EP400: variants seen among roughly 807,000 people sequenced by gnomAD.
The protein encoded by EP400 is E1A binding protein p400, also known as E1A-binding protein p400.
A neutral mutation model predicts 354.1 loss-of-function variants in EP400; 105 were observed. The ratio of observed to expected loss-of-function variants is 0.30; its 90% CI spans 0.25 to 0.35. The LOEUF (loss-of-function observed/expected upper bound fraction) is 0.35, where lower values mean the gene tolerates loss of function less well. Among genes scored for constraint, EP400 ranks in the 10% least tolerant of loss-of-function variants. The probability of loss-of-function intolerance (pLI) is 1.00; values close to 1 mark genes in which losing one functional copy is unlikely to be tolerated. For synonymous variants in EP400, 1,646 were observed against 1,716.9 expected, an observed-to-expected ratio of 0.96 and a Z score of 1.02; for missense variants, 3,280 against 4,121.0, an observed-to-expected ratio of 0.80 and a Z score of 5.59.
intron 19 of EP400, among the ~76,000 whole-genome samples, chr12:132,014,199 A>G (rs1456320656): frequency 2.6e-5 from 4 of 152,122 alleles, no homozygotes; most frequent in African/African-American, 9.7e-5. Context: ...TTGCCCAGAG[A>G]ATTCTGTGAA....
chr12:132,076,303 A>T, intron 51 of EP400: 4 of 632,070 alleles, frequency 6.3e-6, no homozygotes, highest in Non-Finnish European at 5.9e-6. Flanking sequence ...ATGATGAGTG[A>T]TGGCAAATTG....
chr12:131,960,556 A>G (rs1891844080), intron 1 of EP400, 29 bp from the exon 2 acceptor site: 1 of 1,508,844 alleles, frequency 6.6e-7, no homozygotes, highest in Non-Finnish European at 8.9e-7. Flanking sequence ...TGTGCCTTCA[A>G]GTGACTTGAT....
At chr12:131,993,504 G>A (rs922749307) in intron 11 of EP400, among the ~76,000 whole-genome samples, 1 of 152,198 alleles carries the variant, frequency 6.6e-6, no homozygotes, top group Non-Finnish European at 1.5e-5. Flanking sequence ...TGGTAGCTGC[G>A]GTCGGCTTTA....
intron 15 of EP400, among the ~76,000 whole-genome samples, chr12:132,011,221 T>G (rs1304854442): frequency 2.0e-5 from 3 of 152,136 alleles, no homozygotes; most frequent in Non-Finnish European, 4.4e-5. Flanking sequence ...AACACTAGTG[T>G]CTTCTTGGGA....
intron 45 of EP400, among the ~76,000 whole-genome samples, chr12:132,058,832 G>T (rs1895600162): frequency 6.6e-6 from 1 of 150,674 alleles, no homozygotes; most frequent in African/African-American, 2.5e-5. Flanking sequence ...TGTTGCTCTG[G>T]CTGGAGTGCA....
intron 12 of EP400, among the ~76,000 whole-genome samples, chr12:132,003,650 T>C (rs1265353121): frequency 6.6e-6 from 1 of 152,210 alleles, no homozygotes; most frequent in Non-Finnish European, 1.5e-5. Context: ...TACTTACATA[T>C]AGCATCATAT....
At chr12:131,988,471 T>G (rs1892929154) in intron 7 of EP400, among the ~76,000 whole-genome samples, 1 of 152,300 alleles carries the variant, frequency 6.6e-6, no homozygotes, top group East Asian at 1.9e-4. Flanking sequence ...GCACCTGGTA[T>G]CAGTCAAGGG....
In EP400 at chr12:132,050,516, C is replaced by G. The variant is rs1435949285; in HGVS notation, c.7337+57C>G. 1 of 1,612,702 alleles carries G rather than the reference C, an allele frequency of 6.2e-7. No homozygotes were observed. Among genetic ancestry groups the G allele is most frequent in the Non-Finnish European group, 8.5e-7 (1 of 1,178,970 alleles). On this transcript the variant is annotated intron_variant, in intron 40 of 52. Coordinates refer to ENST00000389561, the MANE Select transcript of EP400 (RefSeq NM_015409.5). This position sits in a 1 kb window ranked among gnomAD's most constrained non-coding sequence, Gnocchi z 4.8. ...TTATGACTGAGTAGATTGCGTGAAG[C>G]TTGGTTTTGATGTGTTTTTAACATA...
chr12:132,002,197 A>G (rs1331134368), intron 12 of EP400, among the ~76,000 whole-genome samples: 3 of 152,188 alleles, frequency 2.0e-5, no homozygotes, highest in Non-Finnish European at 4.4e-5. Context: ...ATGTCTCTAA[A>G]TTGGAGTGTT....
chr12:132,042,465 T>G (rs1894945974), intron 32 of EP400, among the ~76,000 whole-genome samples: 1 of 152,212 alleles, frequency 6.6e-6, no homozygotes, highest in Non-Finnish European at 1.5e-5. Flanking sequence ...AGGAGATTAC[T>G]CTGCCCACCT....
At chr12:131,954,049 G>GCA (rs1891608023) in intron 1 of EP400, among the ~76,000 whole-genome samples, 2 of 152,110 alleles carry the variant, frequency 1.3e-5, no homozygotes, top group African/African-American at 4.8e-5. Context: ...GGAGACAGAG[G>GCA]TTGCAGTGAG....
rs1017809993 is a variant in EP400, at chr12:132,017,891, C to T, written c.4110+170C>T. Among the ~76,000 whole-genome samples, 29 of 152,248 alleles carry T rather than the reference C, an allele frequency of 1.9e-4. No homozygotes were observed. Among genetic ancestry groups the T allele is most frequent in the Non-Finnish European group, 3.7e-4 (25 of 68,044 alleles). On this transcript the variant is annotated intron_variant, in intron 20 of 52. Coordinates refer to ENST00000389561, the MANE Select transcript of EP400 (RefSeq NM_015409.5). This position sits in a 1 kb window ranked among gnomAD's most constrained non-coding sequence, Gnocchi z 5.0. ...GCACTGATGGCCTGCCACCCCTTGCCGGAGTGTTCCACCTCCGGAAATTTA... is the reference window on the plus strand; with the variant it reads ...GCACTGATGGCCTGCCACCCCTTGCTGGAGTGTTCCACCTCCGGAAATTTA...
chr12:132,046,479 C>T (rs927426141), intron 39 of EP400, among the ~76,000 whole-genome samples: 13 of 152,140 alleles, frequency 8.5e-5, no homozygotes, highest in Non-Finnish European at 1.3e-4. Context: ...ATTCTGGTAC[C>T]GAAAGACTGG....
intron 2 of EP400, chr12:131,963,653 A>T: frequency 6.3e-7 from 1 of 1,592,910 alleles, no homozygotes; most frequent in Non-Finnish European, 8.5e-7. Flanking sequence ...GTACTTTTCG[A>T]TGGTTCTCAA....
At chr12:132,076,404 C>T in intron 51 of EP400, 112 bp from the exon 52 acceptor site, 1 of 1,055,158 alleles carries the variant, frequency 9.5e-7, no homozygotes, top group South Asian at 1.4e-5. Context: ...TCTTCTGTGT[C>T]ACCTGGTCAT....
At chr12:132,006,398 G>T (rs553215460) in intron 14 of EP400, 96 bp downstream of exon 14, 258 of 1,397,492 alleles carry the variant, frequency 1.8e-4, no homozygotes, top group Non-Finnish European at 1.1e-4. Flanking sequence ...CAGTGAAATG[G>T]TCTATCCCAA....
At chr12:132,008,524 T>A (rs1346946609) in intron 15 of EP400, among the ~76,000 whole-genome samples, 2 of 152,176 alleles carry the variant, frequency 1.3e-5, no homozygotes, top group Non-Finnish European at 2.9e-5. Flanking sequence ...TGCTACTTTA[T>A]TATTTGGGTT....
chr12:132,061,403 C>T (rs948074014), intron 45 of EP400, among the ~76,000 whole-genome samples: 1 of 152,202 alleles, frequency 6.6e-6, no homozygotes, highest in Non-Finnish European at 1.5e-5. Flanking sequence ...AATGCGTAAG[C>T]AATGAGACAT....
At chr12:132,001,372 A>G (rs538201614) in intron 12 of EP400, among the ~76,000 whole-genome samples, 1 of 152,266 alleles carries the variant, frequency 6.6e-6, no homozygotes, top group African/African-American at 2.4e-5. Context: ...AGCTTACGCC[A>G]TTATTTCTGC....
Sources: gnomAD v4.1 joint callset for allele counts (sites outside exome capture counted in the v4.1 genomes callset) on GRCh38, gnomAD v4.1.1 for gene constraint, Gnocchi (gnomAD v3.1) non-coding constraint, MANE v1.5 for transcripts, NCBI Gene and HGNC (gene_info 2026-07-23, HGNC 2026-07-21) for gene names.